The following RANBP2 variants were observed in gnomAD, a reference collection of about 807,000 sequenced individuals.
The protein encoded by RANBP2 is E3 SUMO-protein ligase RanBP2.
A neutral mutation model predicts 303.6 loss-of-function variants in RANBP2; 57 were observed. The ratio of observed to expected loss-of-function variants is 0.19; its 90% confidence interval spans 0.15 to 0.23. The LOEUF (loss-of-function observed/expected upper bound fraction) is 0.23, where lower values mean the gene tolerates loss of function less well. Among genes scored for constraint, RANBP2 ranks in the 10% least tolerant of loss-of-function variants. The probability of loss-of-function intolerance (pLI) is 1.00; values close to 1 mark genes in which losing one functional copy is unlikely to be tolerated. For synonymous variants in RANBP2, 1,167 were observed against 1,301.5 expected (o/e 0.90, Z 2.23); for missense variants, 3,138 against 3,780.8 (o/e 0.83, Z 4.46).
the RANBP2 span, among the ~76,000 whole-genome samples, chr2:109,429,885 C>T: frequency 6.6e-6 from 1 of 152,316 alleles, no homozygotes; most frequent in East Asian, 1.9e-4. Context: ...GTGCAGGGAG[C>T]CTGCAGTAGC....
At chr2:109,736,587 A>C in the RANBP2 span, among the ~76,000 whole-genome samples, 2 of 152,234 alleles carry the variant, frequency 1.3e-5, no homozygotes, top group African/African-American at 4.8e-5. Flanking sequence ...ACGCCGAAGC[A>C]GCACAGTTTC....
downstream of RANBP2, chr2:108,786,830 C>T (rs1291586687): frequency 3.1e-6 from 5 of 1,589,990 alleles, no homozygotes; most frequent in Admixed American, 1.8e-5. Context: ...GCTATGGAGC[C>T]GAGGGTCGTC....
At chr2:108,799,542 C>A in the RANBP2 span, among the ~76,000 whole-genome samples, 1 of 152,154 alleles carries the variant, frequency 6.6e-6, no homozygotes. Flanking sequence ...ATGTTAATAG[C>A]ATCATTTTAT....
chr2:109,226,690 G>A, the RANBP2 span, among the ~76,000 whole-genome samples: 2 of 152,154 alleles, frequency 1.3e-5, no homozygotes, highest in Non-Finnish European at 2.9e-5. Flanking sequence ...TTGTGGCTCC[G>A]TTTGCTCCTA....
chr2:109,334,830 C>G, the RANBP2 span, among the ~76,000 whole-genome samples: 1 of 152,236 alleles, frequency 6.6e-6, no homozygotes, highest in African/African-American at 2.4e-5. Flanking sequence ...GCCACTTGCT[C>G]CCCTCAGTAG....
chr2:109,176,005 A>G, the RANBP2 span, among the ~76,000 whole-genome samples: 1 of 152,198 alleles, frequency 6.6e-6, no homozygotes, highest in African/African-American at 2.4e-5. Flanking sequence ...ACGTGGTCTA[A>G]TTGATATTCT....
chr2:108,930,077 TC>T, the RANBP2 span: 1 of 1,590,670 alleles, frequency 6.3e-7, no homozygotes, highest in African/African-American at 1.3e-5. Flanking sequence ...GCAGGAGGCC[TC>T]CCCTGAGAGC....
chr2:109,468,001 G>T, the RANBP2 span, among the ~76,000 whole-genome samples: 1 of 152,206 alleles, frequency 6.6e-6, no homozygotes, highest in Admixed American at 6.5e-5. Context: ...CCTCAGAGCG[G>T]AAAACATTTC....
At chr2:109,161,970 C>A in the RANBP2 span, among the ~76,000 whole-genome samples, 1 of 152,030 alleles carries the variant, frequency 6.6e-6, no homozygotes, top group Non-Finnish European at 1.5e-5. Context: ...TCTTATATGT[C>A]GCAGGTGTCT....
the RANBP2 span, among the ~76,000 whole-genome samples, chr2:109,360,063 C>CAAAAAAA: frequency 2.2e-5 from 3 of 135,154 alleles, no homozygotes; most frequent in Non-Finnish European, 4.8e-5. Flanking sequence ...TTCCTTGCAC[C>CAAAAAAA]AAAAAAAAAA....
chr2:109,164,896 G>A, the RANBP2 span, among the ~76,000 whole-genome samples: 1 of 152,204 alleles, frequency 6.6e-6, no homozygotes, highest in Non-Finnish European at 1.5e-5. Flanking sequence ...GGCACTTATG[G>A]ATGATGGTCA....
At chr2:109,727,084 T>C in the RANBP2 span, among the ~76,000 whole-genome samples, 1 of 148,588 alleles carries the variant, frequency 6.7e-6, no homozygotes, top group Non-Finnish European at 1.5e-5. Context: ...CCACAAGCAC[T>C]GTGCATCACC....
chr2:109,340,064 A>C, the RANBP2 span, among the ~76,000 whole-genome samples: 2 of 152,138 alleles, frequency 1.3e-5, no homozygotes, highest in African/African-American at 4.8e-5. Flanking sequence ...GAGTCCTGTG[A>C]GCAGTAATCG....
intron 17 of RANBP2, among the ~76,000 whole-genome samples, chr2:108,756,357 A>G (rs958614947): frequency 1.3e-5 from 2 of 152,208 alleles, no homozygotes; most frequent in Non-Finnish European, 2.9e-5. Flanking sequence ...TATTTTAACA[A>G]TAGGGTTCAA....
At chr2:109,138,628 T>A in the RANBP2 span, among the ~76,000 whole-genome samples, 1 of 152,204 alleles carries the variant, frequency 6.6e-6, no homozygotes, top group Non-Finnish European at 1.5e-5. Context: ...TTCCTGTTCA[T>A]CTGCAGTGAG....
At chr2:108,940,670 C>T in the RANBP2 span, among the ~76,000 whole-genome samples, 1 of 152,246 alleles carries the variant, frequency 6.6e-6, no homozygotes, top group African/African-American at 2.4e-5. Context: ...AGCTTCTGAG[C>T]AAAGACCAAG....
the RANBP2 span, among the ~76,000 whole-genome samples, chr2:108,849,563 C>T: frequency 6.6e-6 from 1 of 152,156 alleles, no homozygotes; most frequent in Non-Finnish European, 1.5e-5. Context: ...CCTTCACTCT[C>T]TAGTCTCCCT....
the RANBP2 span, among the ~76,000 whole-genome samples, chr2:109,365,385 G>A: frequency 6.6e-6 from 1 of 152,160 alleles, no homozygotes; most frequent in Non-Finnish European, 1.5e-5. Flanking sequence ...TGCTTCCCAC[G>A]GAGGCTGCTG....
the RANBP2 span, among the ~76,000 whole-genome samples, chr2:109,137,437 T>C: frequency 6.6e-6 from 1 of 152,252 alleles, no homozygotes; most frequent in Admixed American, 6.5e-5. Context: ...CTGGAGCAGA[T>C]GCTCTGGAAG....
Sources: gnomAD v4.1 joint callset for allele counts (sites outside exome capture counted in the v4.1 genomes callset) on GRCh38, gnomAD v4.1.1 for gene constraint, MANE v1.5 for transcripts, NCBI Gene and HGNC (gene_info 2026-07-23, HGNC 2026-07-21) for gene names.